Variants in PTPRD observed in about 807,000 individuals in gnomAD.
The protein encoded by PTPRD is protein tyrosine phosphatase receptor type D, also known as receptor-type tyrosine-protein phosphatase delta.
PTPRD carries 34 observed loss-of-function variants against 214.5 expected under a neutral mutation model. That is an observed-to-expected ratio of 0.16 (90% CI 0.12 to 0.21). PTPRD has a LOEUF of 0.21. PTPRD is among the 10% of genes least tolerant of loss of function. PTPRD has a pLI of 1.00. For missense variants in PTPRD, 2,545 were observed against 2,398.7 expected, an observed-to-expected ratio of 1.06 and a Z score of -1.27; for synonymous variants, 1,128 against 845.7, an observed-to-expected ratio of 1.33 and a Z score of -5.79.
chr9:9,535,125 T>G (rs965341128), intron 8 of PTPRD, among the ~76,000 whole-genome samples: 1 of 152,138 alleles, frequency 6.6e-6, no homozygotes, highest in African/African-American at 2.4e-5. Flanking sequence ...GCCTCTGGAC[T>G]GACACACTCT....
intron 5 of PTPRD, among the ~76,000 whole-genome samples, chr9:9,804,858 A>G (rs996286316): frequency 6.6e-6 from 1 of 151,568 alleles, no homozygotes; most frequent in African/African-American, 2.4e-5. Context: ...TACATAAGCA[A>G]TTGAAATATT....
intron 3 of PTPRD, among the ~76,000 whole-genome samples, chr9:10,176,869 G>A (rs992995779): frequency 1.3e-5 from 2 of 151,960 alleles, no homozygotes; most frequent in Non-Finnish European, 1.5e-5. Flanking sequence ...TCAATAAAGT[G>A]AGTGGGATCA....
chr9:10,050,559 CAAAAAAAAAAAAAAA>C (rs1164243746), intron 3 of PTPRD, among the ~76,000 whole-genome samples: 5 of 13,990 alleles, frequency 3.6e-4, no homozygotes, highest in East Asian at 2.7e-3. Flanking sequence ...GAGTCTGTCT[CAAAAAAAAAAAAAAA>C]AAAAAAAAAA....
chr9:10,451,326 T>C (rs2098840308), intron 2 of PTPRD, among the ~76,000 whole-genome samples: 1 of 151,952 alleles, frequency 6.6e-6, no homozygotes, highest in Non-Finnish European at 1.5e-5. Flanking sequence ...AATTAATTTC[T>C]GAAACAAAAT....
chr9:9,651,925 C>T (rs548146592), intron 7 of PTPRD, among the ~76,000 whole-genome samples: 1 of 146,774 alleles, frequency 6.8e-6, no homozygotes. Context: ...AGTTCCGTCT[C>T]CTGGGTTCAC....
chr9:9,187,605 T>C (rs73403472), intron 9 of PTPRD, among the ~76,000 whole-genome samples: 2,540 of 150,282 alleles, frequency 0.017, 81 homozygotes, highest in African/African-American at 0.059. Context: ...TCTCTTTCCC[T>C]CTCTCTCTCT....
chr9:8,332,963 T>A (rs1842939519), intron 43 of PTPRD, among the ~76,000 whole-genome samples: 1 of 152,186 alleles, frequency 6.6e-6, no homozygotes, highest in African/African-American at 2.4e-5. Flanking sequence ...TCTGGGTAAG[T>A]GAACAGGGAC....
chr9:8,748,522 C>CAAAAAAAAAAAAAAAAAAAAAAAA (rs1239091825), intron 11 of PTPRD, among the ~76,000 whole-genome samples: 3 of 37,848 alleles, frequency 7.9e-5, no homozygotes, highest in Admixed American at 3.3e-4. Flanking sequence ...CCTGCAACTG[C>CAAAAAAAAAAAAAAAAAAAAAAAA]AAAAAAAAAA....
intron 11 of PTPRD, among the ~76,000 whole-genome samples, chr9:9,011,876 G>A (rs1403012668): frequency 1.3e-5 from 2 of 152,092 alleles, no homozygotes; most frequent in African/African-American, 4.8e-5. Context: ...TTCTCCTGGT[G>A]TCCAGATTGT....
At chr9:9,454,495 G>C (rs758665536) in intron 8 of PTPRD, among the ~76,000 whole-genome samples, 5 of 151,822 alleles carry the variant, frequency 3.3e-5, no homozygotes, top group Admixed American at 1.3e-4. Flanking sequence ...TTAAACTCTA[G>C]TACAATTACA....
chr9:9,825,636 C>T (rs749715050), intron 5 of PTPRD, among the ~76,000 whole-genome samples: 6 of 151,790 alleles, frequency 4.0e-5, no homozygotes, highest in South Asian at 4.1e-4. Flanking sequence ...GCTTATTCTA[C>T]GGGGTATTCT....
intron 2 of PTPRD, among the ~76,000 whole-genome samples, chr9:10,341,582 T>C (rs1258467634): frequency 3.9e-5 from 6 of 151,954 alleles, no homozygotes; most frequent in Non-Finnish European, 2.9e-5. Context: ...GGCCACAGTA[T>C]TGTAGAATGG....
At chr9:10,011,398 G>A (rs1181523797) in intron 4 of PTPRD, among the ~76,000 whole-genome samples, 3 of 151,812 alleles carry the variant, frequency 2.0e-5, no homozygotes, top group Non-Finnish European at 2.9e-5. Flanking sequence ...CTAGCAATTT[G>A]GAACTTAAAA....
chr9:10,104,647 A>C (rs2098605791), intron 3 of PTPRD, among the ~76,000 whole-genome samples: 1 of 151,830 alleles, frequency 6.6e-6, no homozygotes. Flanking sequence ...ATGCTATTTA[A>C]AAGTTATTTT....
chr9:10,108,653 G>T (rs1392085426), intron 3 of PTPRD, among the ~76,000 whole-genome samples: 1 of 152,048 alleles, frequency 6.6e-6, no homozygotes, highest in Admixed American at 6.6e-5. Flanking sequence ...ATGTTGAAGA[G>T]ATTTCTGCAC....
chr9:9,593,134 A>AG (rs1424575434), intron 7 of PTPRD, among the ~76,000 whole-genome samples: 2,578 of 141,356 alleles, frequency 0.018, 74 homozygotes, highest in African/African-American at 0.064. Context: ...AGGAAAGGAA[A>AG]GGAAAGGGAA....
chr9:9,283,618 C>G (rs1948475156), intron 9 of PTPRD, among the ~76,000 whole-genome samples: 1 of 151,384 alleles, frequency 6.6e-6, no homozygotes, highest in African/African-American at 2.4e-5. Context: ...CTGCCTTTTC[C>G]TCATGACCAT....
intron 8 of PTPRD, among the ~76,000 whole-genome samples, chr9:9,470,614 G>A (rs1010509212): frequency 1.3e-5 from 2 of 152,242 alleles, no homozygotes; most frequent in Admixed American, 6.5e-5. Flanking sequence ...CTTTTCCAAT[G>A]GCATGGCTCC....
At chr9:9,121,849 A>G (rs1457638765) in intron 10 of PTPRD, among the ~76,000 whole-genome samples, 1 of 152,166 alleles carries the variant, frequency 6.6e-6, no homozygotes, top group African/African-American at 2.4e-5. Context: ...GAAAATCTCC[A>G]TTCTTGTAAA....
Sources: allele counts gnomAD v4.1 joint callset (sites outside exome capture counted in the v4.1 genomes callset), GRCh38; gene constraint gnomAD v4.1.1; transcripts MANE v1.5; gene names NCBI Gene and HGNC (gene_info 2026-07-23, HGNC 2026-07-21).